Variants in MEF2C observed in about 807,000 individuals in gnomAD.
MEF2C encodes myocyte enhancer factor 2C, also known as myocyte-specific enhancer factor 2C.
In MEF2C, 6 loss-of-function variants were observed where a neutral mutation model predicts 50.5. That is an observed-to-expected ratio of 0.12 (90% CI 0.07 to 0.23). MEF2C has a LOEUF of 0.23. MEF2C is among the 10% of genes least tolerant of loss of function. MEF2C has a pLI of 1.00. For synonymous variants in MEF2C, 183 were observed against 228.0 expected (o/e 0.80, Z 1.78); for missense variants, 276 against 605.0 (o/e 0.46, Z 5.70).
At chr5:88,723,858 C>T (rs1300721048) in intron 10 of MEF2C, among the ~76,000 whole-genome samples, 1 of 152,122 alleles carries the variant, frequency 6.6e-6, no homozygotes. Context: ...CTCATATATT[C>T]CCAGAGAGAA....
At position 88,853,334 on chromosome 5, in the gene MEF2C, A is replaced by C. The variant is rs531940676; in HGVS notation, c.-142-29404T>G. ...TTCTAGGCTGGACTTGTATACGTTT[A>C]AACAAGAGTTGATTACCAAACAGCT... On this transcript the variant is annotated intron_variant, in intron 1 of 10. Transcript: ENST00000504921. Among the ~76,000 whole-genome samples the C allele has an allele frequency of 1.8e-4, 27 of 152,334 alleles. No homozygotes were observed. In the South Asian group the frequency reaches 5.6e-3, roughly 32 times the overall value.
At position 88,821,800 on chromosome 5, in the gene MEF2C, G is replaced by C. The variant is rs559275209; in HGVS notation, c.54+1935C>G. 4.6e-5 allele frequency among the ~76,000 whole-genome samples: 7 copies of C among 151,888 alleles called. No homozygotes were observed. In the South Asian group the frequency reaches 1.2e-3, roughly 27 times the overall value. On this transcript the variant is annotated intron_variant, in intron 2 of 10. Coordinates refer to ENST00000504921, the MANE Select transcript of MEF2C (RefSeq NM_002397.5). The stretch of plus-strand genomic sequence containing the variant: ...AGTGGGGAGGGGATAAAGTGGGGAT[G>C]TTTAATGGATACAAAAATAGGTAAA...
chr5:88,786,731 C>G (rs761762979), intron 3 of MEF2C, among the ~76,000 whole-genome samples: 2 of 152,032 alleles, frequency 1.3e-5, no homozygotes, highest in Non-Finnish European at 2.9e-5. Flanking sequence ...ATTTAATGTC[C>G]ATATATCACT....
chr5:88,780,178 C>T (rs559530415), intron 3 of MEF2C, among the ~76,000 whole-genome samples: 2 of 151,426 alleles, frequency 1.3e-5, no homozygotes, highest in South Asian at 2.1e-4. Context: ...AAAGAAAAAA[C>T]GAAAAACTAC....
At chr5:88,850,739 CAT>C (rs781505406) in intron 1 of MEF2C, among the ~76,000 whole-genome samples, 5 of 151,870 alleles carry the variant, frequency 3.3e-5, no homozygotes, top group Admixed American at 6.6e-5. Context: ...CACACACACA[CAT>C]ACATATAATT....
chr5:88,725,023 G>A (rs924092429), intron 10 of MEF2C, among the ~76,000 whole-genome samples: 1 of 152,080 alleles, frequency 6.6e-6, no homozygotes, highest in Non-Finnish European at 1.5e-5. Context: ...AAAAATTGGT[G>A]AGTTGGACAG....
At chr5:88,741,886 A>T (rs1176041327) in intron 6 of MEF2C, 1 of 985,282 alleles carries the variant, frequency 1.0e-6, no homozygotes. Flanking sequence ...CACCTTTTGG[A>T]CGTATCAGTT....
At chr5:88,765,223 C>G (rs966655512) in intron 3 of MEF2C, among the ~76,000 whole-genome samples, 1 of 152,036 alleles carries the variant, frequency 6.6e-6, no homozygotes, top group African/African-American at 2.4e-5. Context: ...TATACAAACA[C>G]AAAGCTGAAG....
At chr5:88,881,276 C>A (rs1399653781) in intron 1 of MEF2C, 1 of 152,150 alleles carries the variant, frequency 6.6e-6, no homozygotes, top group Non-Finnish European at 1.5e-5. Flanking sequence ...TAAAATATTT[C>A]TTTCCTCTTG....
chr5:88,774,847 G>C (rs1294966950), intron 3 of MEF2C, among the ~76,000 whole-genome samples: 1 of 152,206 alleles, frequency 6.6e-6, no homozygotes, highest in Admixed American at 6.5e-5. Flanking sequence ...CAAGGCTTCT[G>C]CTGCAAACAC....
intron 7 of MEF2C, 126 bp from the exon 8 acceptor site, chr5:88,730,360 A>G: frequency 1.0e-6 from 1 of 989,352 alleles, no homozygotes; most frequent in Admixed American, 2.1e-5. Context: ...TTTAAAACCC[A>G]GACTCCAAAG....
chr5:88,872,923 G>C (rs186082764), intron 1 of MEF2C, among the ~76,000 whole-genome samples: 1 of 152,106 alleles, frequency 6.6e-6, no homozygotes, highest in Admixed American at 6.6e-5. Context: ...ATGATATTAA[G>C]TGTGGAAATG....
chr5:88,813,261 A>T (rs1271105855), intron 2 of MEF2C, among the ~76,000 whole-genome samples: 1 of 152,140 alleles, frequency 6.6e-6, no homozygotes, highest in Non-Finnish European at 1.5e-5. Context: ...GGTTGGTAGT[A>T]AATACAGGTC....
chr5:88,858,850 C>T (rs1824453121), intron 1 of MEF2C, among the ~76,000 whole-genome samples: 1 of 152,194 alleles, frequency 6.6e-6, no homozygotes, highest in Non-Finnish European at 1.5e-5. Flanking sequence ...AATCCTCAAA[C>T]TTCACATTCT....
intron 3 of MEF2C, among the ~76,000 whole-genome samples, chr5:88,790,304 A>T (rs1562048697): frequency 6.6e-6 from 1 of 152,242 alleles, no homozygotes; most frequent in African/African-American, 2.4e-5. Context: ...TTCAAATTCC[A>T]TGAAGAAGGA....
At chr5:88,847,251 T>C (rs1819666167) in intron 1 of MEF2C, among the ~76,000 whole-genome samples, 3 of 152,170 alleles carry the variant, frequency 2.0e-5, no homozygotes. Flanking sequence ...CACATCTTCT[T>C]TACAGGACTT....
chr5:88,786,732 A>G lies in MEF2C; in HGVS notation c.258+17866T>C, dbSNP rs143073118. 7.7e-3 allele frequency among the ~76,000 whole-genome samples: 1,167 copies of G among 152,340 alleles called. 11 individuals are homozygous for G. Among genetic ancestry groups the G allele is most frequent in the Middle Eastern group, 0.031 (9 of 294 alleles). On this transcript the variant is annotated intron_variant, in intron 3 of 10. Coordinates refer to ENST00000504921, the MANE Select transcript of MEF2C (RefSeq NM_002397.5). ...ATATACATATATGCATTTAATGTCC[A>G]TATATCACTACATTTATTAGTCTCA...
intron 1 of MEF2C, among the ~76,000 whole-genome samples, chr5:88,834,631 C>T (rs1162527030): frequency 1.3e-5 from 2 of 152,084 alleles, no homozygotes; most frequent in African/African-American, 2.4e-5. Context: ...GCAGAGGTGG[C>T]TATCTATTGG....
intron 1 of MEF2C, among the ~76,000 whole-genome samples, chr5:88,853,129 T>G (rs930549029): frequency 1.3e-5 from 2 of 152,220 alleles, no homozygotes; most frequent in South Asian, 4.1e-4. Context: ...GACGCTGAGG[T>G]GCGAGGATCA....
Sources: allele counts gnomAD v4.1 joint callset (sites outside exome capture counted in the v4.1 genomes callset), GRCh38; gene constraint gnomAD v4.1.1; transcripts MANE v1.5; gene names NCBI Gene and HGNC (gene_info 2026-07-23, HGNC 2026-07-21).